Variants in RCC2 observed in about 807,000 individuals in gnomAD.
The protein encoded by RCC2 is protein RCC2.
A neutral mutation model predicts 64.1 loss-of-function variants in RCC2; 19 were observed. That is an observed-to-expected ratio of 0.30 (90% CI 0.21 to 0.44). RCC2 has a LOEUF of 0.44. Among genes scored for constraint, RCC2 ranks in the 20% least tolerant of loss-of-function variants. RCC2 has a pLI of 1.00. For missense variants in RCC2, 508 were observed against 710.4 expected (o/e 0.72, Z 3.24); for synonymous variants, 325 against 279.6 (o/e 1.16, Z -1.62).
rs1570168858 is a variant in RCC2, at chr1:17,409,195, C to CT, written c.1465-2dup. On this transcript the variant is annotated splice_acceptor_variant, in intron 12 of 12. Transcript: ENST00000375436. LOFTEE classifies it high-confidence loss of function. ...AGGAGTGTGAGTAGCCCATGGCGACCTGGGGGGACAAATCAGCGTTGGGTG... is the reference window on the plus strand; with the variant it reads ...AGGAGTGTGAGTAGCCCATGGCGACCTTGGGGGGACAAATCAGCGTTGGGTG... 2 of 1,604,598 alleles carry CT rather than the reference C, an allele frequency of 1.2e-6. No homozygotes were observed.
In RCC2 at chr1:17,430,950, G is replaced by A. The variant is rs539927554; in HGVS notation, c.286-1751C>T. 6.9e-4 allele frequency among the ~76,000 whole-genome samples: 105 copies of A among 151,870 alleles called. 1 individual carries two copies. Among genetic ancestry groups the A allele is most frequent in the Non-Finnish European group, 9.6e-4 (65 of 67,944 alleles). On this transcript the variant is annotated intron_variant, in intron 2 of 12. Coordinates refer to ENST00000375436, the MANE Select transcript of RCC2 (RefSeq NM_018715.4). ...CCAGGCTGGTCTCAAATTCCTGACC[G>A]CAGGTGATCCACCCACCTTGGCCTC...
rs1034037689 is a variant in RCC2 at position 17,416,550 on chromosome 1, G to A, written c.956C>T (p.Thr319Met). Residue 319 changes from threonine (T) to methionine (M), a missense_variant, in exon 8 of 13, where the codon ACG becomes ATG. Coordinates refer to ENST00000375436, the MANE Select transcript of RCC2 (RefSeq NM_018715.4). Reference protein sequence around the residue: ...PRRVAIFIEKTKDGQILPVPN... With the variant: ...PRRVAIFIEKMKDGQILPVPN... ...TACAGGCAGAATCTGTCCATCTTTC[G>A]TCTTCTCAATGAAGATGGCCACTCG... The A allele has an allele frequency of 1.2e-5, 20 of 1,613,862 alleles. No individual in the cohort carries two copies. Among genetic ancestry groups the A allele is most frequent in the Middle Eastern group, 1.7e-4 (1 of 5,932 alleles).
intron 8 of RCC2, among the ~76,000 whole-genome samples, chr1:17,414,091 T>A (rs141558125): frequency 9.8e-5 from 15 of 152,356 alleles, no homozygotes; most frequent in Admixed American, 7.8e-4. Context: ...TAAGCCCAGT[T>A]TGCTATTTTC....
intron 2 of RCC2, among the ~76,000 whole-genome samples, chr1:17,434,255 G>A (rs903174477): frequency 1.3e-5 from 2 of 152,222 alleles, no homozygotes; most frequent in South Asian, 4.1e-4. Flanking sequence ...ATGGGGCAGT[G>A]GGAGCCTAGG....
intron 2 of RCC2, among the ~76,000 whole-genome samples, chr1:17,431,061 G>A (rs1000937513): frequency 2.0e-5 from 3 of 150,490 alleles, no homozygotes; most frequent in Admixed American, 6.6e-5. Flanking sequence ...GGCCAGGCGC[G>A]GTGGCTCACA....
chr1:17,411,643 C>T (rs1345967383), intron 11 of RCC2, among the ~76,000 whole-genome samples: 2 of 151,252 alleles, frequency 1.3e-5, no homozygotes, highest in East Asian at 1.9e-4. Flanking sequence ...CATTTGTTTG[C>T]GGAAGGCCAC....
At chr1:17,426,166 C>A (rs1015736087) in intron 3 of RCC2, among the ~76,000 whole-genome samples, 1 of 152,150 alleles carries the variant, frequency 6.6e-6, no homozygotes, top group African/African-American at 2.4e-5. Context: ...TGCCGCCTGC[C>A]CCTCCTTTCC....
rs905286816 is a variant in RCC2, at chr1:17,438,357, TCGCCGCTGCTGCCGC to T, written c.143_157del (p.Gly48_Gly52del). 1.9e-5 allele frequency: 23 copies of T among 1,239,412 alleles called. No homozygotes were observed. The highest frequency in any genetic ancestry group is 3.2e-5 in the African/African-American group (2 of 63,028). The allele number at this position is 1,239,412 out of a possible 1,614,324, so 76.8% of individuals were successfully genotyped here. On this transcript the variant is annotated inframe_deletion, in exon 2 of 13. Coordinates refer to ENST00000375436, the MANE Select transcript of RCC2 (RefSeq NM_018715.4). ...CCCGTCGAGCTCCAGGCCGTCCTCGTCGCCGCTGCTGCCGCCGCCGCTGCTGCTACTGCAGCGCTC... is the reference window on the plus strand; with the variant it reads ...CCCGTCGAGCTCCAGGCCGTCCTCGTCGCCGCTGCTGCTACTGCAGCGCTC...
chr1:17,439,072 CAG>C (rs1412558632), intron 1 of RCC2, among the ~76,000 whole-genome samples: 12 of 152,080 alleles, frequency 7.9e-5, no homozygotes, highest in African/African-American at 2.9e-4. Flanking sequence ...GGCCCCAGCT[CAG>C]GGGTGCCGAC....
intron 8 of RCC2, among the ~76,000 whole-genome samples, chr1:17,414,660 C>T (rs1272675419): frequency 1.5e-4 from 23 of 151,890 alleles, no homozygotes; most frequent in Admixed American, 9.8e-4. Context: ...GAGAGGGTCT[C>T]GTGCTCTGTT....
At chr1:17,416,428 A>G in intron 8 of RCC2, 52 bp downstream of exon 8, 1 of 1,555,202 alleles carries the variant, frequency 6.4e-7, no homozygotes, top group Non-Finnish European at 8.7e-7. Flanking sequence ...GAGCATAAAC[A>G]CCCCTTCCAT....
Position 17,428,542 on chromosome 1 carries a change from G to A in RCC2, c.379+564C>T, listed in dbSNP as rs563195177. Among the ~76,000 whole-genome samples the A allele has an allele frequency of 1.3e-3, 197 of 152,322 alleles. 3 individuals are homozygous for A. Among genetic ancestry groups the A allele is most frequent in the African/African-American group, 4.5e-3 (187 of 41,572 alleles). On this transcript the variant is annotated intron_variant, in intron 3 of 12. Transcript: ENST00000375436. ...AAGAAGCCATAAAAGTTGGCTACAT[G>A]CCAGCCTTCCTTCTCCTGGATGGGC... is the stretch of plus-strand genomic sequence containing the variant.
At chr1:17,417,788 T>C (rs1352299799) in intron 7 of RCC2, among the ~76,000 whole-genome samples, 1 of 152,178 alleles carries the variant, frequency 6.6e-6, no homozygotes, top group African/African-American at 2.4e-5. Flanking sequence ...CCTCAGCCCT[T>C]ATTGGTATGT....
In RCC2 at chr1:17,438,328, G is replaced by T; in HGVS notation, c.187C>A (p.Pro63Thr). 1 of 1,245,622 alleles carries T rather than the reference G, an allele frequency of 8.0e-7. No individual in the cohort carries two copies. Among genetic ancestry groups the T allele is most frequent in the South Asian group, 2.7e-5 (1 of 37,506 alleles). 77.2% of individuals were successfully genotyped at this position (1,245,622 alleles called of 1,614,324 possible). A position where few individuals can be genotyped will look rare whatever the true frequency, so the allele number is the denominator to read the frequency against. The change falls in exon 2 of 13, where the codon CCC becomes ACC. Residue 63 changes from proline (P) to threonine (T), a missense_variant. This residue lies in a region of RCC2 where 195 missense variants were observed against 158.3 expected (regional missense o/e 1.23). Coordinates refer to ENST00000375436, the MANE Select transcript of RCC2 (RefSeq NM_018715.4). ...CGCGCCGCGCGCTTGCCCCCGCCGG[G>T]GGCCCCGTCGAGCTCCAGGCCGTCC... is the stretch of plus-strand genomic sequence containing the variant. The part of the protein sequence containing the change: ...DEDGLELDGA[P>T]GGGKRAARPA...
In RCC2 at chr1:17,438,414, C is replaced by T; in HGVS notation, c.101G>A (p.Arg34Lys). 3 of 1,268,884 alleles carry T rather than the reference C, an allele frequency of 2.4e-6. No homozygotes were observed. The highest frequency in any genetic ancestry group is 3.0e-6 in the Non-Finnish European group (3 of 1,011,488). 78.6% of individuals were successfully genotyped at this position (1,268,884 alleles called of 1,614,324 possible). The change falls in exon 2 of 13, where the codon AGG becomes AAG. Residue 34 changes from arginine (R) to lysine (K), a missense_variant. Physicochemically the swap from Arg to Lys is conservative, Grantham distance 26. This residue lies in a region of RCC2 where 195 missense variants were observed against 158.3 expected (regional missense o/e 1.23). Coordinates refer to ENST00000375436, the MANE Select transcript of RCC2 (RefSeq NM_018715.4). ...GPRKRGGPAG[R>K]KRERPERCSS... Reference sequence around the variant, plus strand: ...GCAGCGCTCGGGCCGCTCGCGCTTCCTGCCCGCCGGGCCGCCGCGTTTCCT... The same window carrying T: ...GCAGCGCTCGGGCCGCTCGCGCTTCTTGCCCGCCGGGCCGCCGCGTTTCCT...
chr1:17,409,855 A>G, intron 12 of RCC2, 119 bp downstream of exon 12: 1 of 853,800 alleles, frequency 1.2e-6, no homozygotes, highest in East Asian at 2.5e-5. Context: ...GACACCAGGA[A>G]AGCCAGCTGA....
At chr1:17,413,849 C>T (rs1470211978) in intron 8 of RCC2, 132 bp from the exon 9 acceptor site, 6 of 833,042 alleles carry the variant, frequency 7.2e-6, no homozygotes, top group African/African-American at 1.7e-5. Flanking sequence ...AGATCCCCTA[C>T]CAGCCGGGCA....
chr1:17,427,262 C>T (rs1389001852), intron 3 of RCC2, among the ~76,000 whole-genome samples: 2 of 152,180 alleles, frequency 1.3e-5, no homozygotes, highest in African/African-American at 2.4e-5. Flanking sequence ...CCGCCCTCAG[C>T]AGAGGGCACC....
chr1:17,422,763 A>G lies in RCC2; in HGVS notation c.597T>C (p.Leu199=). 1 of 1,614,182 alleles carries G rather than the reference A, an allele frequency of 6.2e-7. No individual in the cohort carries two copies. Among genetic ancestry groups the G allele is most frequent in the South Asian group, 1.1e-5 (1 of 91,086 alleles). ...RVEAPRLIEG[L]SHEVIVSAAC... is the part of the protein sequence containing the mutation. The stretch of plus-strand genomic sequence containing the variant: ...CTGCAGACACAATCACTTCGTGGCT[A>G]AGACCCTCGATGAGTCTAGGGGCTT... The change falls in exon 5 of 13, where the codon CTT becomes CTC. Residue 199 remains leucine (L), a synonymous_variant. Transcript: ENST00000375436.
Sources: gnomAD v4.1 joint callset for allele counts (sites outside exome capture counted in the v4.1 genomes callset) on GRCh38, gnomAD v4.1.1 for gene constraint, gnomAD v4.1.1 regional missense constraint, MANE v1.5 for transcripts, NCBI Gene and HGNC (gene_info 2026-07-23, HGNC 2026-07-21) for gene names.